FRMD4A: variants seen among roughly 807,000 people sequenced by gnomAD.
FRMD4A encodes the protein FERM domain-containing protein 4A.
Under a neutral mutation model 129.1 loss-of-function variants are expected in FRMD4A, and 29 were observed. That is an observed-to-expected ratio of 0.22 (90% CI 0.17 to 0.31). The LOEUF (loss-of-function observed/expected upper bound fraction) is 0.31, where lower values mean the gene tolerates loss of function less well. FRMD4A is among the 10% of genes least tolerant of loss of function. FRMD4A has a pLI of 1.00. For synonymous variants in FRMD4A, 634 were observed against 571.6 expected, an observed-to-expected ratio of 1.11 and a Z score of -1.56; for missense variants, 1,272 against 1,375.8, an observed-to-expected ratio of 0.92 and a Z score of 1.19.
intron 2 of FRMD4A, among the ~76,000 whole-genome samples, chr10:14,273,307 GC>G (rs962709472): frequency 3.3e-5 from 5 of 152,022 alleles, no homozygotes; most frequent in African/African-American, 1.2e-4. Context: ...AACCAATTCT[GC>G]CATCTTAGAG....
intron 2 of FRMD4A, among the ~76,000 whole-genome samples, chr10:13,929,758 G>A (rs1354914469): frequency 3.9e-5 from 6 of 152,198 alleles, no homozygotes; most frequent in Admixed American, 2.0e-4. Flanking sequence ...GTAGGCTGTA[G>A]TGGTAGAGAT....
intron 2 of FRMD4A, among the ~76,000 whole-genome samples, chr10:14,168,034 T>C (rs1489291369): frequency 6.6e-6 from 1 of 152,186 alleles, no homozygotes; most frequent in Admixed American, 6.5e-5. Context: ...ACCAAGACTC[T>C]TCACTTTTAA....
chr10:14,000,670 A>AGG (rs2095639412), intron 2 of FRMD4A, among the ~76,000 whole-genome samples: 1 of 133,280 alleles, frequency 7.5e-6, no homozygotes, highest in Admixed American at 8.0e-5. Context: ...AAAAAAAAAG[A>AGG]GAAGAAAGCT....
intron 2 of FRMD4A, among the ~76,000 whole-genome samples, chr10:13,870,088 G>A (rs1251292194): frequency 6.6e-6 from 1 of 152,192 alleles, no homozygotes; most frequent in African/African-American, 2.4e-5. Context: ...CTGGGAATCT[G>A]GATCAGAGAG....
intron 2 of FRMD4A, among the ~76,000 whole-genome samples, chr10:13,910,591 A>G (rs2094930367): frequency 6.6e-6 from 1 of 152,258 alleles, no homozygotes; most frequent in Non-Finnish European, 1.5e-5. Context: ...TGCAGAAAGC[A>G]GATTTGTTAA....
intron 2 of FRMD4A, among the ~76,000 whole-genome samples, chr10:14,038,527 T>C (rs904026038): frequency 2.0e-5 from 3 of 152,122 alleles, no homozygotes; most frequent in East Asian, 1.9e-4. Context: ...TGAAAAGAGA[T>C]AGGCAAGCCC....
intron 2 of FRMD4A, among the ~76,000 whole-genome samples, chr10:14,283,448 C>A (rs1845586139): frequency 6.6e-6 from 1 of 152,064 alleles, no homozygotes; most frequent in Non-Finnish European, 1.5e-5. Flanking sequence ...TCCCTATATT[C>A]ATGGTAAAGA....
chr10:13,884,454 G>A (rs1307076148), intron 2 of FRMD4A, among the ~76,000 whole-genome samples: 1 of 152,164 alleles, frequency 6.6e-6, no homozygotes, highest in African/African-American at 2.4e-5. Context: ...CATTCATTGA[G>A]ATAATCTTGG....
chr10:14,127,050 T>C (rs757405339), intron 2 of FRMD4A, among the ~76,000 whole-genome samples: 2 of 152,176 alleles, frequency 1.3e-5, no homozygotes, highest in Non-Finnish European at 2.9e-5. Flanking sequence ...TGACATTAAC[T>C]GCAGCATCAT....
At position 13,972,055 on chromosome 10, in the gene FRMD4A, T is replaced by C. The variant is rs1415492191; in HGVS notation, c.46-113143A>G. 6 of 1,152,414 alleles carry C rather than the reference T, an allele frequency of 5.2e-6. No homozygotes were observed. The African/African-American group carries it at 8.0e-5, about 15-fold the overall frequency. 71.4% of individuals were successfully genotyped at this position (1,152,414 alleles called of 1,614,324 possible). On this transcript the variant is annotated intron_variant, in intron 2 of 24. Transcript: ENST00000357447. ...TCCCTCCCAAAGTGTTTTCTCCTTG[T>C]CTCTGGGGACTCACCAGGGACAAGG...
intron 2 of FRMD4A, among the ~76,000 whole-genome samples, chr10:14,054,852 G>A (rs1834434341): frequency 6.6e-6 from 1 of 152,174 alleles, no homozygotes; most frequent in South Asian, 2.1e-4. Flanking sequence ...GTTTTATAAA[G>A]GGCAGTTTTT....
intron 15 of FRMD4A, among the ~76,000 whole-genome samples, chr10:13,691,374 A>C (rs768740196): frequency 2.0e-5 from 3 of 152,146 alleles, no homozygotes; most frequent in Non-Finnish European, 2.9e-5. Context: ...AGCTGCTATT[A>C]AGGTAAATTG....
Position 13,654,511 on chromosome 10 carries a change from A to AGCT in FRMD4A, c.2954-2_2954dup (p.Ala986dup). 1 of 1,604,166 alleles carries AGCT rather than the reference A, an allele frequency of 6.2e-7. No individual in the cohort carries two copies. Among genetic ancestry groups the AGCT allele is most frequent in the Non-Finnish European group, 8.5e-7 (1 of 1,171,062 alleles). ...AGCTTCTCTGGCTTTGAGGTAAGGC[A>AGCT]GCTACATGCAGGTGGTGCAAGAAAG... On this transcript the variant is annotated inframe_insertion and splice_region_variant, in exon 23 of 25. Transcript: ENST00000357447.
At chr10:14,045,694 T>A (rs1295952965) in intron 2 of FRMD4A, among the ~76,000 whole-genome samples, 2 of 146,570 alleles carry the variant, frequency 1.4e-5, no homozygotes, top group Non-Finnish European at 3.0e-5. Context: ...ATATATGATA[T>A]AATTATATTA....
intron 2 of FRMD4A, among the ~76,000 whole-genome samples, chr10:14,207,545 C>G (rs1842818095): frequency 2.0e-5 from 3 of 152,092 alleles, no homozygotes; most frequent in African/African-American, 7.2e-5. Flanking sequence ...GTCTTTTTGT[C>G]TGTAAAATGT....
chr10:14,093,313 G>A (rs1156986439), intron 2 of FRMD4A, among the ~76,000 whole-genome samples: 1 of 152,206 alleles, frequency 6.6e-6, no homozygotes, highest in Non-Finnish European at 1.5e-5. Context: ...AGATTTTAGT[G>A]TCTTTTAATA....
At chr10:14,075,026 C>G (rs547184324) in intron 2 of FRMD4A, among the ~76,000 whole-genome samples, 1 of 142,334 alleles carries the variant, frequency 7.0e-6, no homozygotes, top group South Asian at 2.2e-4. Flanking sequence ...AGAAAGATGT[C>G]CTTATGAATT....
chr10:13,701,894 C>T (rs1463079860), intron 13 of FRMD4A, among the ~76,000 whole-genome samples: 1 of 152,176 alleles, frequency 6.6e-6, no homozygotes, highest in African/African-American at 2.4e-5. Flanking sequence ...ATTTTCTAAT[C>T]ACCACAGGCT....
chr10:14,111,423 G>C (rs1402430870), intron 2 of FRMD4A, among the ~76,000 whole-genome samples: 1 of 152,138 alleles, frequency 6.6e-6, no homozygotes, highest in Admixed American at 6.5e-5. Context: ...TTGGCTCAAG[G>C]CTTTATTGTT....
Sources: gnomAD v4.1 joint callset for allele counts (sites outside exome capture counted in the v4.1 genomes callset) on GRCh38, gnomAD v4.1.1 for gene constraint, MANE v1.5 for transcripts, NCBI Gene and HGNC (gene_info 2026-07-23, HGNC 2026-07-21) for gene names.